Variants in BRI3BP observed in about 807,000 individuals in gnomAD.
BRI3BP encodes the protein BRI3-binding protein.
Under a neutral mutation model 15.8 loss-of-function variants are expected in BRI3BP, and 7 were observed. The observed-to-expected ratio is 0.44, with a 90% CI of 0.25 to 0.83. BRI3BP has a LOEUF of 0.83. BRI3BP is among the 40% of genes least tolerant of loss of function. The pLI, the probability that BRI3BP is intolerant of heterozygous loss-of-function variation, is 0.20. For synonymous variants in BRI3BP, 192 were observed against 163.5 expected (o/e 1.17, Z -1.33); for missense variants, 320 against 339.3 (o/e 0.94, Z 0.45).
chr12:125,041,399 AGTTTT>A, the BRI3BP span, among the ~76,000 whole-genome samples: 1 of 151,978 alleles, frequency 6.6e-6, no homozygotes, highest in Non-Finnish European at 1.5e-5. Flanking sequence ...TTGGTTTCTT[AGTTTT>A]ATTTATAATT....
At chr12:125,004,153 C>A (rs1031438906) in intron 1 of BRI3BP, among the ~76,000 whole-genome samples, 2 of 152,106 alleles carry the variant, frequency 1.3e-5, no homozygotes, top group African/African-American at 4.8e-5. Flanking sequence ...TCTTTTAAGT[C>A]TCTTTTTTAA....
the BRI3BP span, among the ~76,000 whole-genome samples, chr12:125,045,341 TTTC>T: frequency 1.3e-5 from 2 of 152,092 alleles, no homozygotes; most frequent in Admixed American, 1.3e-4. Flanking sequence ...AAGATGATGT[TTTC>T]TTCTTTTTTT....
intron 2 of BRI3BP, among the ~76,000 whole-genome samples, 192 bp from the exon 3 acceptor site, chr12:125,024,799 A>G (rs1194460369): frequency 6.6e-6 from 1 of 151,606 alleles, no homozygotes; most frequent in Non-Finnish European, 1.5e-5. Flanking sequence ...ACTCCATCTC[A>G]AAAAAAAGAG....
At chr12:124,994,099 C>G in intron 1 of BRI3BP, 96 bp downstream of exon 1, 1 of 860,596 alleles carries the variant, frequency 1.2e-6, no homozygotes, top group Non-Finnish European at 1.5e-6. Context: ...TCCGGGGCTG[C>G]CCGCCCGGCC....
the BRI3BP span, among the ~76,000 whole-genome samples, chr12:125,043,636 C>T: frequency 2.6e-5 from 4 of 151,880 alleles, no homozygotes; most frequent in African/African-American, 9.7e-5. Context: ...GTGGGCCAAT[C>T]ACCTGAGGTC....
chr12:125,014,550 A>G (rs1955225455), intron 2 of BRI3BP, among the ~76,000 whole-genome samples: 1 of 152,214 alleles, frequency 6.6e-6, no homozygotes, highest in Admixed American at 6.5e-5. Context: ...TACGGGACAC[A>G]CTTAATTCCC....
At chr12:125,015,656 G>C (rs993659615) in intron 2 of BRI3BP, among the ~76,000 whole-genome samples, 3 of 152,218 alleles carry the variant, frequency 2.0e-5, no homozygotes, top group Non-Finnish European at 4.4e-5. Flanking sequence ...CACTGGCCAT[G>C]ATGGGCACAC....
chr12:125,008,979 A>AT (rs113107414), intron 1 of BRI3BP, among the ~76,000 whole-genome samples: 21,926 of 145,270 alleles, frequency 0.15, 1,679 homozygotes, highest in Non-Finnish European at 0.18. Context: ...TCCTATGAAA[A>AT]TTTTTTTTTT....
At chr12:125,017,394 A>G (rs2135996478) in intron 2 of BRI3BP, among the ~76,000 whole-genome samples, 1 of 151,928 alleles carries the variant, frequency 6.6e-6, no homozygotes, top group Middle Eastern at 3.4e-3. Flanking sequence ...AGCTCCAGTG[A>G]TCTGCCTGCC....
At chr12:125,049,059 A>T in the BRI3BP span, among the ~76,000 whole-genome samples, 1 of 152,088 alleles carries the variant, frequency 6.6e-6, no homozygotes, top group Non-Finnish European at 1.5e-5. Context: ...CCCGGGTTCA[A>T]GCGATTCTCC....
chr12:125,025,052 CCTG>C lies in BRI3BP; in HGVS notation c.382_384del (p.Leu128del). The C allele has an allele frequency of 6.2e-7, 1 of 1,613,550 alleles. No individual in the cohort carries two copies. The highest frequency in any genetic ancestry group is 8.5e-7 in the Non-Finnish European group (1 of 1,179,996). On this transcript the variant is annotated inframe_deletion, in exon 3 of 3. Coordinates refer to ENST00000341446, the MANE Select transcript of BRI3BP (RefSeq NM_080626.6). Reference sequence around the variant, plus strand: ...TGTCCAGCAGCCCGGCCCGCGCGCTCCTGCTGGTCGGCGTCGTCCTCCTGGCCT... The same window carrying C: ...TGTCCAGCAGCCCGGCCCGCGCGCTCCTGGTCGGCGTCGTCCTCCTGGCCT...
chr12:125,040,913 T>C, the BRI3BP span, among the ~76,000 whole-genome samples: 10 of 151,214 alleles, frequency 6.6e-5, no homozygotes, highest in South Asian at 2.1e-3. Flanking sequence ...GTATTTTTAG[T>C]AGAGGTGGGG....
intron 1 of BRI3BP, among the ~76,000 whole-genome samples, chr12:124,996,607 T>TA (rs1247634235): frequency 3.3e-5 from 5 of 152,152 alleles, no homozygotes; most frequent in Non-Finnish European, 7.4e-5. Flanking sequence ...ATTACAGGCG[T>TA]AAGCCACCGT....
Position 125,025,700 on chromosome 12 carries a change from C to T in BRI3BP, c.*270C>T. ...AAGGATATAACCATATTTAGTTGTA[C>T]AGTAAGAGAAATTTATCTGTGCATA... On this transcript the variant is annotated 3_prime_UTR_variant, in exon 3 of 3. Coordinates refer to ENST00000341446, the MANE Select transcript of BRI3BP (RefSeq NM_080626.6). The T allele has an allele frequency of 5.2e-6, 2 of 383,160 alleles. No homozygotes were observed. Among genetic ancestry groups the T allele is most frequent in the Non-Finnish European group, 9.3e-6 (2 of 214,216 alleles). 23.7% of individuals were successfully genotyped at this position (383,160 alleles called of 1,614,324 possible).
chr12:125,021,720 G>A (rs1955300717), intron 2 of BRI3BP, among the ~76,000 whole-genome samples: 1 of 152,184 alleles, frequency 6.6e-6, no homozygotes, highest in African/African-American at 2.4e-5. Flanking sequence ...GGAAGCAAGA[G>A]CGAGGGGTAA....
intron 1 of BRI3BP, among the ~76,000 whole-genome samples, chr12:125,010,273 T>C (rs1955186162): frequency 6.6e-6 from 1 of 152,148 alleles, no homozygotes; most frequent in Non-Finnish European, 1.5e-5. Context: ...CCAGAGAGCT[T>C]ATGAATATAT....
At chr12:125,024,499 C>T (rs1955330793) in intron 2 of BRI3BP, among the ~76,000 whole-genome samples, 3 of 152,044 alleles carry the variant, frequency 2.0e-5, no homozygotes, top group Admixed American at 1.3e-4. Context: ...CATGGCAGGT[C>T]GTCTTAAAGG....
rs374478469 is a variant in BRI3BP at position 125,012,592 on chromosome 12, T to C, written c.272T>C (p.Leu91Pro). The change falls in exon 2 of 3, where the codon CTG (leucine) becomes CCG (proline). Residue 91 changes from leucine (L) to proline (P), a missense_variant. Transcript: ENST00000341446. ...VLGVDMFVETLWKVWTELLDV... is the reference protein window; with the variant it reads ...VLGVDMFVETPWKVWTELLDV... ...GGAGTGGATATGTTCGTGGAGACAC[T>C]GTGGAAAGTCTGGACCGAGCTCTTG... The C allele has an allele frequency of 3.7e-5, 59 of 1,613,244 alleles. No homozygotes were observed. The African/African-American group carries it at 6.9e-4, about 19-fold the overall frequency.
chr12:125,031,614 T>C (rs1955406892), downstream of BRI3BP, among the ~76,000 whole-genome samples: 1 of 128,210 alleles, frequency 7.8e-6, no homozygotes, highest in Non-Finnish European at 1.6e-5. Context: ...AGATGGACTC[T>C]CACCCAGGCT....
Sources: allele counts gnomAD v4.1 joint callset (sites outside exome capture counted in the v4.1 genomes callset), GRCh38; gene constraint gnomAD v4.1.1; transcripts MANE v1.5; gene names NCBI Gene and HGNC (gene_info 2026-07-23, HGNC 2026-07-21).